Variants in PDYN observed in about 807,000 individuals in gnomAD.
The protein encoded by PDYN is prodynorphin.
In PDYN, 5 loss-of-function variants were observed where a neutral mutation model predicts 11.4. That is an observed-to-expected ratio of 0.44 (90% CI 0.23 to 0.92). The LOEUF is 0.92. Among genes scored for constraint, PDYN ranks in the 40% least tolerant of loss-of-function variants. The probability of loss-of-function intolerance (pLI) is 0.24; values close to 1 mark genes in which losing one functional copy is unlikely to be tolerated. For missense variants in PDYN, 337 were observed against 317.3 expected, an observed-to-expected ratio of 1.06 and a Z score of -0.47; for synonymous variants, 132 against 129.5, an observed-to-expected ratio of 1.02 and a Z score of -0.13.
At chr20:1,992,684 G>T (rs541434374) in intron 1 of PDYN, 41 bp from the exon 2 acceptor site, 1 of 152,534 alleles carries the variant, frequency 6.6e-6, no homozygotes, top group African/African-American at 2.4e-5. Flanking sequence ...TGGGACTGGG[G>T]GGAGAAGAGG....
chr20:1,982,956 CA>C lies in PDYN; in HGVS notation c.128del (p.Leu43ArgfsTer61). The part of the protein sequence containing the change: ...TQDGPKPINP[L>X]ICSLQCQAAL... ...TTGAAGAACCTTGCCTGAAACCTACCAGGGGATTGATAGGTTTGGGACCATC... is the reference window on the plus strand; with the variant it reads ...TTGAAGAACCTTGCCTGAAACCTACCGGGGATTGATAGGTTTGGGACCATC... On this transcript the variant is annotated frameshift_variant and splice_region_variant, in exon 3 of 4. Coordinates refer to ENST00000217305, the MANE Select transcript of PDYN (RefSeq NM_024411.5). LOFTEE classifies it low-confidence loss of function (END_TRUNC). 1 of 1,613,608 alleles carries C rather than the reference CA, an allele frequency of 6.2e-7. No homozygotes were observed. The highest frequency in any genetic ancestry group is 8.5e-7 in the Non-Finnish European group (1 of 1,179,694).
intron 3 of PDYN, 96 bp from the exon 4 acceptor site, chr20:1,981,054 A>C: frequency 4.4e-6 from 6 of 1,363,660 alleles, no homozygotes; most frequent in Non-Finnish European, 6.2e-6. Context: ...GAAAACCAAA[A>C]TGAACGCCAC....
chr20:1,984,827 A>G (rs1988078088), intron 2 of PDYN, among the ~76,000 whole-genome samples: 1 of 152,070 alleles, frequency 6.6e-6, no homozygotes, highest in African/African-American at 2.4e-5. Context: ...TGAACCCAGG[A>G]GGAAGAGGTT....
chr20:1,984,178 G>C (rs546710911), intron 2 of PDYN, among the ~76,000 whole-genome samples: 1 of 152,276 alleles, frequency 6.6e-6, no homozygotes, highest in Admixed American at 6.5e-5. Flanking sequence ...TAGTCACTCT[G>C]TTCCTCAAAT....
In PDYN at chr20:1,980,290, T is replaced by C. The variant is rs556095353; in HGVS notation, c.*33A>G. ...CTCCAACCTGAAAAGGTGTCAGGGG[T>C]TTCTCCTGACTCTACTCCATGAAAA... On this transcript the variant is annotated 3_prime_UTR_variant, in exon 4 of 4. Transcript: ENST00000217305. The C allele has an allele frequency of 1.2e-6, 2 of 1,607,982 alleles. No individual in the cohort carries two copies. Among genetic ancestry groups the C allele is most frequent in the Non-Finnish European group, 1.7e-6 (2 of 1,174,920 alleles).
chr20:1,981,625 T>C (rs548378729), intron 3 of PDYN, among the ~76,000 whole-genome samples: 66 of 152,150 alleles, frequency 4.3e-4, no homozygotes, highest in Non-Finnish European at 8.2e-4. Context: ...GCTAGAATTA[T>C]GTATTAAATA....
intron 2 of PDYN, among the ~76,000 whole-genome samples, chr20:1,985,495 C>T (rs917287753): frequency 1.7e-4 from 26 of 152,130 alleles, no homozygotes; most frequent in African/African-American, 5.6e-4. Context: ...CTGCACCCTC[C>T]GTGAGATCCA....
At chr20:1,984,739 A>G (rs1382036454) in intron 2 of PDYN, among the ~76,000 whole-genome samples, 1 of 152,082 alleles carries the variant, frequency 6.6e-6, no homozygotes, top group Non-Finnish European at 1.5e-5. Flanking sequence ...TCTCCATTAA[A>G]AATACAAAAA....
intron 2 of PDYN, among the ~76,000 whole-genome samples, chr20:1,988,442 T>C (rs1988288379): frequency 6.6e-6 from 1 of 152,146 alleles, no homozygotes; most frequent in Non-Finnish European, 1.5e-5. Context: ...ACCTTTCTGA[T>C]GGGGATTTGC....
Position 1,983,144 on chromosome 20 carries a change from C to T in PDYN, c.-19-41G>A. On this transcript the variant is annotated intron_variant, in intron 2 of 3. Coordinates refer to ENST00000217305, the MANE Select transcript of PDYN (RefSeq NM_024411.5). ...GAGAAGATAATGAAATCTGTGATCA[C>T]CACTCTGTAGACTGTGTTCTGAGCC... 2.6e-6 allele frequency: 4 copies of T among 1,553,478 alleles called. No individual in the cohort carries two copies. The South Asian group carries it at 3.4e-5, about 13-fold the overall frequency.
intron 2 of PDYN, among the ~76,000 whole-genome samples, chr20:1,990,936 G>T (rs1455346224): frequency 2.0e-5 from 3 of 151,244 alleles, no homozygotes; most frequent in African/African-American, 7.3e-5. Flanking sequence ...AGAGAGAGGT[G>T]GAGGACCATA....
chr20:1,992,357 C>T (rs1000704451), intron 2 of PDYN, among the ~76,000 whole-genome samples: 6 of 152,140 alleles, frequency 3.9e-5, no homozygotes, highest in Non-Finnish European at 8.8e-5. Context: ...GTTTTAAGAT[C>T]GCAAATCTCT....
intron 2 of PDYN, among the ~76,000 whole-genome samples, chr20:1,985,660 C>T (rs1165131374): frequency 6.6e-6 from 1 of 152,178 alleles, no homozygotes; most frequent in Non-Finnish European, 1.5e-5. Flanking sequence ...CAATTCGAGG[C>T]ATAAGCTCAG....
chr20:1,992,266 T>C (rs1475661394), intron 2 of PDYN, among the ~76,000 whole-genome samples: 1 of 152,180 alleles, frequency 6.6e-6, no homozygotes, highest in East Asian at 1.9e-4. Context: ...TTTCAGGTGT[T>C]GTGAGACACA....
intron 2 of PDYN, among the ~76,000 whole-genome samples, chr20:1,990,338 C>G (rs936518152): frequency 1.3e-5 from 2 of 152,314 alleles, no homozygotes; most frequent in African/African-American, 2.4e-5. Flanking sequence ...CTCTCACATT[C>G]CTGACGTTGA....
At chr20:1,985,528 T>G (rs1988130507) in intron 2 of PDYN, among the ~76,000 whole-genome samples, 1 of 152,158 alleles carries the variant, frequency 6.6e-6, no homozygotes, top group South Asian at 2.1e-4. Context: ...TACAAGGCCC[T>G]TGACCTGTGT....
intron 3 of PDYN, among the ~76,000 whole-genome samples, chr20:1,981,819 G>A (rs964306000): frequency 2.6e-5 from 4 of 151,846 alleles, no homozygotes; most frequent in South Asian, 2.1e-4. Flanking sequence ...TCAGCTACTC[G>A]GGAGGCTGAT....
intron 1 of PDYN, chr20:1,993,575 G>A (rs1988544531): frequency 6.6e-6 from 1 of 152,216 alleles, no homozygotes; most frequent in Non-Finnish European, 1.5e-5. Context: ...CATCCAGGGT[G>A]TCCCATTTTC....
intron 2 of PDYN, among the ~76,000 whole-genome samples, chr20:1,986,277 T>G (rs1351348341): frequency 6.6e-6 from 1 of 152,220 alleles, no homozygotes; most frequent in Non-Finnish European, 1.5e-5. Context: ...CCAGGCTGTC[T>G]GGCTCCAGAG....
Sources: gnomAD v4.1 joint callset for allele counts (sites outside exome capture counted in the v4.1 genomes callset) on GRCh38, gnomAD v4.1.1 for gene constraint, MANE v1.5 for transcripts, NCBI Gene and HGNC (gene_info 2026-07-23, HGNC 2026-07-21) for gene names.